The following NCOR1 variants were observed in gnomAD, a reference collection of about 807,000 sequenced individuals.
The protein encoded by NCOR1 is protein phosphatase 1, regulatory subunit 109.
NCOR1 carries 63 observed loss-of-function variants against 288.1 expected under a neutral mutation model. That is an observed-to-expected ratio of 0.22 (90% CI 0.18 to 0.27). The LOEUF (loss-of-function observed/expected upper bound fraction) is 0.27. Ranked by LOEUF, NCOR1 falls within the 10% of genes least tolerant of loss-of-function variation. The pLI, the probability that NCOR1 is intolerant of heterozygous loss-of-function variation, is 1.00. For missense variants in NCOR1, 2,397 were observed against 3,019.2 expected, an observed-to-expected ratio of 0.79 and a Z score of 4.83; for synonymous variants, 1,007 against 1,065.9, an observed-to-expected ratio of 0.94 and a Z score of 1.08.
At chr17:16,154,010 A>G (rs1050513003) in intron 6 of NCOR1, among the ~76,000 whole-genome samples, 1 of 125,160 alleles carries the variant, frequency 8.0e-6, no homozygotes, top group Non-Finnish European at 1.7e-5. Flanking sequence ...GTAATATGCT[A>G]TTTCCTTTTT....
chr17:16,088,649 T>C (rs1196873166), intron 22 of NCOR1, among the ~76,000 whole-genome samples: 1 of 152,204 alleles, frequency 6.6e-6, no homozygotes, highest in East Asian at 1.9e-4. Flanking sequence ...TCAACTGATA[T>C]TCAAGTGCTA....
chr17:16,071,805 C>G (rs2061791821), intron 29 of NCOR1, 140 bp from the exon 30 acceptor site: 1 of 761,494 alleles, frequency 1.3e-6, no homozygotes, highest in African/African-American at 1.8e-5. Context: ...GCCTTGACAT[C>G]TTGTAGTTTC....
At chr17:16,176,652 G>GTA (rs1300022205) in intron 3 of NCOR1, among the ~76,000 whole-genome samples, 6 of 151,944 alleles carry the variant, frequency 3.9e-5, no homozygotes, top group Non-Finnish European at 8.8e-5. Context: ...AAACTGTCTG[G>GTA]TATAATATTC....
intron 42 of NCOR1, among the ~76,000 whole-genome samples, chr17:16,042,312 T>A (rs1367801974): frequency 6.6e-6 from 1 of 152,212 alleles, no homozygotes; most frequent in African/African-American, 2.4e-5. Flanking sequence ...ATTCATTTGA[T>A]AGATATTTAA....
Position 16,092,650 on chromosome 17 carries a change from TATATATATATATATATATATATATA to T in NCOR1, c.2821-617_2821-593del, listed in dbSNP as rs2065388131. 7.6e-4 allele frequency among the ~76,000 whole-genome samples: 10 copies of T among 13,186 alleles called. 1 individual carries two copies. Among genetic ancestry groups the T allele is most frequent in the African/African-American group, 2.4e-3 (10 of 4,094 alleles). 8.7% of individuals were successfully genotyped at this position (13,186 alleles called of 152,430 possible). A position where few individuals can be genotyped will look rare whatever the true frequency, so the allele number is the denominator to read the frequency against. On this transcript the variant is annotated intron_variant, in intron 21 of 45. Coordinates refer to ENST00000268712, the MANE Select transcript of NCOR1 (RefSeq NM_006311.4). ...TTTCACCAGGGATCAGATCCATTTA[TATATATATATATATATATATATATA>T]TATATATATATATATATATATTTTT...
intron 38 of NCOR1, 155 bp downstream of exon 38, chr17:16,058,316 A>G: frequency 9.6e-7 from 1 of 1,037,432 alleles, no homozygotes; most frequent in East Asian, 2.6e-5. Context: ...TAAAAAATAA[A>G]AAAGAATCGA....
chr17:16,115,367 A>C (rs563232192), intron 18 of NCOR1, among the ~76,000 whole-genome samples: 1 of 152,322 alleles, frequency 6.6e-6, no homozygotes, highest in East Asian at 1.9e-4. Flanking sequence ...CTTAATATTC[A>C]GCTCCTCATT....
At chr17:16,108,730 A>T (rs2153053242) in intron 19 of NCOR1, 56 bp downstream of exon 19, 1 of 1,499,640 alleles carries the variant, frequency 6.7e-7, no homozygotes, top group South Asian at 1.3e-5. Context: ...CAAATGACTA[A>T]AAATTATTTA....
chr17:16,131,015 A>G (rs1268518759), intron 14 of NCOR1, among the ~76,000 whole-genome samples: 5 of 129,546 alleles, frequency 3.9e-5, no homozygotes, highest in African/African-American at 1.5e-4. Flanking sequence ...TTAAGACTGG[A>G]TCTCCTTCTG....
At chr17:16,161,289 G>A (rs907679556) in intron 5 of NCOR1, among the ~76,000 whole-genome samples, 1 of 150,116 alleles carries the variant, frequency 6.7e-6, no homozygotes, top group African/African-American at 2.5e-5. Flanking sequence ...ACCTGTTTTT[G>A]TTTTTGTTTT....
In NCOR1 at chr17:16,215,374, A is replaced by C. The variant is rs1019409621; in HGVS notation, c.-83T>G. ...AGGGCCTACTCACCGGGAGCTGGCTAAGCGTGGGAGCCGACGTGCGCCCCG... is the reference window on the plus strand; with the variant it reads ...AGGGCCTACTCACCGGGAGCTGGCTCAGCGTGGGAGCCGACGTGCGCCCCG... On this transcript the variant is annotated 5_prime_UTR_variant, in exon 1 of 46. Coordinates refer to ENST00000268712, the MANE Select transcript of NCOR1 (RefSeq NM_006311.4). The C allele has an allele frequency of 2.5e-6, 1 of 394,168 alleles. No individual in the cohort carries two copies. Among genetic ancestry groups the C allele is most frequent in the African/African-American group, 2.1e-5 (1 of 48,410 alleles). 24.4% of individuals were successfully genotyped at this position (394,168 alleles called of 1,614,324 possible).
intron 1 of NCOR1, among the ~76,000 whole-genome samples, chr17:16,210,282 G>A (rs962328691): frequency 7.2e-5 from 11 of 152,120 alleles, no homozygotes; most frequent in African/African-American, 2.7e-4. Context: ...TACTTGGGAG[G>A]CTGACGCAGG....
intron 26 of NCOR1, among the ~76,000 whole-genome samples, chr17:16,079,026 G>C (rs368080962): frequency 6.6e-6 from 1 of 151,998 alleles, no homozygotes; most frequent in African/African-American, 2.4e-5. Context: ...TCTAGAGTGC[G>C]GACTGACATT....
intron 1 of NCOR1, among the ~76,000 whole-genome samples, chr17:16,200,026 T>G (rs1600462800): frequency 6.6e-6 from 1 of 152,188 alleles, no homozygotes; most frequent in South Asian, 2.1e-4. Flanking sequence ...GCACACATAT[T>G]TACTCAACAG....
intron 45 of NCOR1, among the ~76,000 whole-genome samples, chr17:16,032,952 G>A (rs963104150): frequency 6.6e-5 from 10 of 152,216 alleles, no homozygotes; most frequent in Non-Finnish European, 4.4e-5. Context: ...AGATTTTAAA[G>A]TCTACAAGAT....
chr17:16,187,200 GTTT>G (rs528053156), intron 2 of NCOR1, among the ~76,000 whole-genome samples: 3 of 136,200 alleles, frequency 2.2e-5, no homozygotes, highest in African/African-American at 8.0e-5. Context: ...GTTGGTTGTT[GTTT>G]TTTTTTTTTT....
At chr17:16,175,327 T>C (rs1370786505) in intron 3 of NCOR1, among the ~76,000 whole-genome samples, 1 of 151,720 alleles carries the variant, frequency 6.6e-6, no homozygotes, top group Non-Finnish European at 1.5e-5. Flanking sequence ...ATCACGCCAC[T>C]GCACAACACA....
intron 18 of NCOR1, 47 bp downstream of exon 18, chr17:16,117,841 C>CT (rs1322821027): frequency 6.3e-7 from 1 of 1,581,362 alleles, no homozygotes; most frequent in South Asian, 1.2e-5. Flanking sequence ...CAACAACACT[C>CT]TAAGTAAAAA....
intron 34 of NCOR1, 57 bp downstream of exon 34, chr17:16,064,813 T>C (rs1012240642): frequency 6.9e-7 from 1 of 1,454,342 alleles, no homozygotes; most frequent in Non-Finnish European, 9.2e-7. Context: ...AAGGCTATGT[T>C]GTAAAAATGT....
Sources: allele counts gnomAD v4.1 joint callset (sites outside exome capture counted in the v4.1 genomes callset), GRCh38; gene constraint gnomAD v4.1.1; transcripts MANE v1.5; gene names NCBI Gene and HGNC (gene_info 2026-07-23, HGNC 2026-07-21).